Variants in ITGB4 observed in about 807,000 individuals in gnomAD.
ITGB4 encodes integrin subunit beta 4.
Under a neutral mutation model 207.6 loss-of-function variants are expected in ITGB4, and 159 were observed. The observed-to-expected ratio is 0.77, with a 90% CI of 0.67 to 0.87. The LOEUF (loss-of-function observed/expected upper bound fraction) is 0.87. Among genes scored for constraint, ITGB4 ranks in the 40% least tolerant of loss-of-function variants. ITGB4 has a pLI of 0.00. For synonymous variants in ITGB4, 1,020 were observed against 1,062.7 expected, an observed-to-expected ratio of 0.96 and a Z score of 0.78; for missense variants, 2,278 against 2,546.8, an observed-to-expected ratio of 0.89 and a Z score of 2.27.
chr17:75,731,749 G>A lies in ITGB4; in HGVS notation c.1216-63G>A. ...GAACTTGGGGGCCGAGGGCCTTCAG[G>A]CATCGATGGCCCCCTGGTCCTTGGG... On this transcript the variant is annotated intron_variant, in intron 10 of 39. Transcript: ENST00000200181. The surrounding 1 kb of genome is among the most constrained non-coding windows in gnomAD (Gnocchi z 6.8). The A allele has an allele frequency of 6.7e-7, 1 of 1,494,872 alleles. No homozygotes were observed. Among genetic ancestry groups the A allele is most frequent in the Non-Finnish European group, 9.0e-7 (1 of 1,112,664 alleles). 92.6% of individuals were successfully genotyped at this position (1,494,872 alleles called of 1,614,324 possible). A position where few individuals can be genotyped will look rare whatever the true frequency, so the allele number is the denominator to read the frequency against.
chr17:75,754,355 A>C, intron 33 of ITGB4: 4 of 604,410 alleles, frequency 6.6e-6, no homozygotes, highest in East Asian at 2.8e-5. Context: ...TCACACCGAT[A>C]GAGTGGCCGG....
At chr17:75,741,225 A>G in intron 23 of ITGB4, 1 of 642,348 alleles carries the variant, frequency 1.6e-6, no homozygotes, top group South Asian at 1.8e-5. Flanking sequence ...TAGAGCAGGC[A>G]AAAGCAAATC....
rs1380079092 is a variant in ITGB4 at position 75,736,371 on chromosome 17, G to A, written c.1845G>A (p.Glu615=). Residue 615 remains glutamate (E), a synonymous_variant, in exon 15 of 40, where the codon GAG becomes GAA. Transcript: ENST00000200181. ...QQSLYTDTIC[E]INYSAIHPGL... is the part of the protein sequence containing the mutation. ...CGCTCTACACGGACACCATCTGCGA[G>A]ATCAACTACTCGGCGGTGAGGCTAA... 1 of 1,614,184 alleles carries A rather than the reference G, an allele frequency of 6.2e-7. No homozygotes were observed. Among genetic ancestry groups the A allele is most frequent in the African/African-American group, 1.3e-5 (1 of 75,048 alleles).
rs947482911 is a variant in ITGB4, at chr17:75,724,762, T to C, written c.59T>C (p.Val20Ala). 2 of 1,613,630 alleles carry C rather than the reference T, an allele frequency of 1.2e-6. No homozygotes were observed. The highest frequency in any genetic ancestry group is 1.7e-6 in the Non-Finnish European group (2 of 1,180,022). ...ARLLLAALIS[V>A]SLSGTLANRC... is the part of the protein sequence containing the mutation. ...CTGCTCCTGGCAGCCTTGATCAGCGTCAGCCTCTCTGGGACCTTGGGTGAG... is the reference window on the plus strand; with the variant it reads ...CTGCTCCTGGCAGCCTTGATCAGCGCCAGCCTCTCTGGGACCTTGGGTGAG... Residue 20 changes from valine (V) to alanine (A), a missense_variant, in exon 2 of 40, where the codon GTC (valine) becomes GCC (alanine). Coordinates refer to ENST00000200181, the MANE Select transcript of ITGB4 (RefSeq NM_000213.5).
In ITGB4 at chr17:75,727,358, C is replaced by T; in HGVS notation, c.163-46C>T. 1 of 1,610,612 alleles carries T rather than the reference C, an allele frequency of 6.2e-7. No individual in the cohort carries two copies. The highest frequency in any genetic ancestry group is 1.3e-5 in the African/African-American group (1 of 74,996). On this transcript the variant is annotated intron_variant, in intron 3 of 39. Coordinates refer to ENST00000200181, the MANE Select transcript of ITGB4 (RefSeq NM_000213.5). The surrounding 1 kb of genome is among the most constrained non-coding windows in gnomAD (Gnocchi z 6.0). ...GAAATGAATCTAGGGTTGGGGCAGCCAGGGAATGGGTGCTGCCCCCAGTGA... is the reference window on the plus strand; with the variant it reads ...GAAATGAATCTAGGGTTGGGGCAGCTAGGGAATGGGTGCTGCCCCCAGTGA...
In ITGB4 at chr17:75,755,698, C is replaced by T. The variant is rs760043192; in HGVS notation, c.4559-3C>T. On this transcript the variant is annotated splice_polypyrimidine_tract_variant and splice_region_variant and intron_variant, in intron 34 of 39. Coordinates refer to ENST00000200181, the MANE Select transcript of ITGB4 (RefSeq NM_000213.5). The stretch of plus-strand genomic sequence containing the variant: ...CTGGCTGACTGCGGCCTCCTGTCCC[C>T]AGACTCTCGCCTGACTGCTGGTGTG... 9 of 1,612,802 alleles carry T rather than the reference C, an allele frequency of 5.6e-6. No homozygotes were observed. Among genetic ancestry groups the T allele is most frequent in the Non-Finnish European group, 6.8e-6 (8 of 1,179,956 alleles).
rs1402699507 is a variant in ITGB4 at position 75,740,863 on chromosome 17, G to A, written c.2609+12G>A. The A allele has an allele frequency of 6.2e-7, 1 of 1,613,732 alleles. No individual in the cohort carries two copies. Among genetic ancestry groups the A allele is most frequent in the Non-Finnish European group, 8.5e-7 (1 of 1,180,018 alleles). ...CAGACCAAGTTCCGGTGAGTCCCGG[G>A]GTGCCCGGGTTGGGTGGGGGAGCCG... On this transcript the variant is annotated intron_variant, in intron 22 of 39. Coordinates refer to ENST00000200181, the MANE Select transcript of ITGB4 (RefSeq NM_000213.5). This position sits in a 1 kb window ranked among gnomAD's most constrained non-coding sequence, Gnocchi z 5.9.
chr17:75,724,550 G>A (rs2060679363), intron 1 of ITGB4, 144 bp from the exon 2 acceptor site: 2 of 735,010 alleles, frequency 2.7e-6, no homozygotes, highest in East Asian at 2.6e-5. Context: ...CCGAGGCCCA[G>A]GGCCCTGCCT....
In ITGB4 at chr17:75,726,722, A is replaced by G. The variant is rs189390377; in HGVS notation, c.80-473A>G. Among the ~76,000 whole-genome samples, 687 of 152,040 alleles carry G rather than the reference A, an allele frequency of 4.5e-3. 3 individuals carry two copies. Among genetic ancestry groups the G allele is most frequent in the Non-Finnish European group, 7.2e-3 (490 of 67,982 alleles). ...ACTCCAGCCTGGGCAACAGAGCAAG[A>G]CTCGTCTGAAAAATAAAGTAAAACA... On this transcript the variant is annotated intron_variant, in intron 2 of 39. Transcript: ENST00000200181.
intron 18 of ITGB4, 148 bp downstream of exon 18, chr17:75,737,792 G>A: frequency 1.4e-6 from 1 of 723,352 alleles, no homozygotes; most frequent in Non-Finnish European, 2.4e-6. Context: ...ACCTCCCCAG[G>A]GTCCCCATCC....
chr17:75,741,058 C>T, intron 23 of ITGB4, 53 bp downstream of exon 23: 1 of 1,593,070 alleles, frequency 6.3e-7, no homozygotes, highest in Non-Finnish European at 8.5e-7. Flanking sequence ...CCGCCTGTCC[C>T]CAGCCCAGCC....
intron 8 of ITGB4, 113 bp downstream of exon 8, chr17:75,730,617 C>T (rs2060835179): frequency 7.0e-6 from 8 of 1,141,074 alleles, no homozygotes; most frequent in South Asian, 1.5e-5. Context: ...TCCCTTCCTC[C>T]CTCCCTCTTT....
In ITGB4 at chr17:75,743,746, T is replaced by C. The variant is rs148629796; in HGVS notation, c.2996T>C (p.Phe999Ser). The C allele has an allele frequency of 5.4e-5, 87 of 1,613,534 alleles. No homozygotes were observed. The African/African-American group carries it at 1.1e-3, about 21-fold the overall frequency. Residue 999 changes from phenylalanine (F) to serine (S), a missense_variant, in exon 26 of 40, where the codon TTC becomes TCC. Physicochemically the swap from Phe to Ser is radical, Grantham distance 155 (BLOSUM62 -2). Coordinates refer to ENST00000200181, the MANE Select transcript of ITGB4 (RefSeq NM_000213.5). ...RDVVSFEQPE[F>S]SVSRGDQVAR... Reference sequence around the variant, plus strand: ...GTGGTGTCCTTTGAGCAGCCTGAGTTCTCGGTCAGCCGCGGGGACCAGGTG... The same window carrying C: ...GTGGTGTCCTTTGAGCAGCCTGAGTCCTCGGTCAGCCGCGGGGACCAGGTG...
Position 75,740,313 on chromosome 17 carries a change from G to C in ITGB4, c.2447-45G>C, listed in dbSNP as rs189962378. The C allele has an allele frequency of 1.2e-3, 1,843 of 1,526,378 alleles. 21 individuals are homozygous for C. In the African/African-American group the frequency reaches 0.022, roughly 18 times the overall value. 94.6% of individuals were successfully genotyped at this position (1,526,378 alleles called of 1,614,324 possible). A position where few individuals can be genotyped will look rare whatever the true frequency, so the allele number is the denominator to read the frequency against. On this transcript the variant is annotated intron_variant, in intron 20 of 39. Transcript: ENST00000200181. The surrounding 1 kb of genome is among the most constrained non-coding windows in gnomAD (Gnocchi z 5.9). ...TGCTCTGTGGTGCCTGTCATGCAGG[G>C]GGCTGACCACCTCCATCTCACCCCC... is the stretch of plus-strand genomic sequence containing the variant.
intron 16 of ITGB4, 37 bp from the exon 17 acceptor site, chr17:75,737,285 G>T: frequency 6.3e-7 from 1 of 1,576,768 alleles, no homozygotes; most frequent in Non-Finnish European, 8.6e-7. Context: ...GCGGAGGGGT[G>T]TGGCTGGGGT....
Position 75,754,685 on chromosome 17 carries a change from C to G in ITGB4, c.4428C>G (p.His1476Gln). The change falls in exon 34 of 40, where the codon CAC becomes CAG. Residue 1476 changes from histidine to glutamine, a missense_variant. Physicochemically the swap from His to Gln is conservative, Grantham distance 24. Transcript: ENST00000200181. ...CCTATGGCACCCACCTGAGCCCACA[C>G]GTGCCCCACCGCGTGCTAAGCACAT... ...AAAYGTHLSP[H>Q]VPHRVLSTSS... 4 of 1,614,156 alleles carry G rather than the reference C, an allele frequency of 2.5e-6. No individual in the cohort carries two copies. Among genetic ancestry groups the G allele is most frequent in the Non-Finnish European group, 3.4e-6 (4 of 1,180,018 alleles).
chr17:75,747,774 C>T (rs948719513), intron 26 of ITGB4, among the ~76,000 whole-genome samples: 1 of 152,162 alleles, frequency 6.6e-6, no homozygotes, highest in Non-Finnish European at 1.5e-5. Context: ...CTTAGCCTCC[C>T]GAGTAGCTGG....
intron 26 of ITGB4, among the ~76,000 whole-genome samples, chr17:75,745,479 A>T (rs1245877181): frequency 6.6e-6 from 1 of 152,128 alleles, no homozygotes. Flanking sequence ...CATGCATGTA[A>T]TCCCAACACT....
Position 75,733,632 on chromosome 17 carries a change from G to T in ITGB4, c.1597G>T (p.Gly533Cys). 1 of 1,614,194 alleles carries T rather than the reference G, an allele frequency of 6.2e-7. No individual in the cohort carries two copies. Among genetic ancestry groups the T allele is most frequent in the Non-Finnish European group, 8.5e-7 (1 of 1,180,048 alleles). ...GTGCTACGGCGAAGGCCGCTACGAG[G>T]GTCAGTTCTGCGAGTATGACAACTT... ...CVCYGEGRYEGQFCEYDNFQC... is the reference protein window; with the variant it reads ...CVCYGEGRYECQFCEYDNFQC... The change falls in exon 13 of 40, where the codon GGT (glycine) becomes TGT (cysteine). Residue 533 changes from glycine to cysteine, a missense_variant. By Grantham distance (159) the Gly-to-Cys change is radical. Coordinates refer to ENST00000200181, the MANE Select transcript of ITGB4 (RefSeq NM_000213.5).
Sources: allele counts gnomAD v4.1 joint callset (sites outside exome capture counted in the v4.1 genomes callset), GRCh38; gene constraint gnomAD v4.1.1; non-coding constraint Gnocchi (gnomAD v3.1); transcripts MANE v1.5; gene names NCBI Gene and HGNC (gene_info 2026-07-23, HGNC 2026-07-21).